The following FBXL4 variants were observed in gnomAD, a reference collection of about 807,000 sequenced individuals.
FBXL4 encodes F-box/LRR-repeat protein 4.
Under a neutral mutation model 58.9 loss-of-function variants are expected in FBXL4, and 40 were observed. That is an observed-to-expected ratio of 0.68 (90% confidence interval 0.53 to 0.88). The LOEUF is 0.88. Ranked by LOEUF, FBXL4 falls within the 40% of genes least tolerant of loss-of-function variation. The pLI is 0.00. For missense variants in FBXL4, 676 were observed against 734.4 expected (o/e 0.92, Z 0.92); for synonymous variants, 263 against 265.5 (o/e 0.99, Z 0.09).
Position 98,871,521 on chromosome 6 carries a change from T to C in FBXL4, c.*2757A>G, listed in dbSNP as rs1451181963. On this transcript the variant is annotated 3_prime_UTR_variant, in exon 10 of 10. Coordinates refer to ENST00000369244, the MANE Select transcript of FBXL4 (RefSeq NM_001278716.2). ...ATTTCATGCAACCTGAAGTAGAATC[T>C]GCTAAGATGTGTTACAACTGGTGGT... is the stretch of plus-strand genomic sequence containing the variant. 1 of 152,234 alleles carries C rather than the reference T, an allele frequency of 6.6e-6. No individual in the cohort carries two copies. Among genetic ancestry groups the C allele is most frequent in the Non-Finnish European group, 1.5e-5 (1 of 68,038 alleles). 9.4% of individuals were successfully genotyped at this position (152,234 alleles called of 1,614,324 possible).
At chr6:98,935,603 C>G (rs1773182809) in intron 1 of FBXL4, among the ~76,000 whole-genome samples, 1 of 151,256 alleles carries the variant, frequency 6.6e-6, no homozygotes, top group African/African-American at 2.4e-5. Context: ...TCCTGGCTAA[C>G]AAGGTGAAAC....
intron 7 of FBXL4, among the ~76,000 whole-genome samples, chr6:98,884,531 T>C (rs1770965868): frequency 6.6e-6 from 1 of 152,158 alleles, no homozygotes; most frequent in Non-Finnish European, 1.5e-5. Flanking sequence ...ATTACTCCAT[T>C]GCTTATGAGT....
intron 7 of FBXL4, among the ~76,000 whole-genome samples, chr6:98,890,884 A>C (rs1771203191): frequency 6.6e-6 from 1 of 152,162 alleles, no homozygotes; most frequent in African/African-American, 2.4e-5. Flanking sequence ...GCTCCACTGC[A>C]CTACAGCCTG....
At chr6:98,921,964 T>A (rs1460653897) in intron 4 of FBXL4, among the ~76,000 whole-genome samples, 1 of 152,152 alleles carries the variant, frequency 6.6e-6, no homozygotes, top group Non-Finnish European at 1.5e-5. Context: ...TAAGCATCCA[T>A]TAAGATATTA....
chr6:98,908,836 T>C (rs958316751), intron 5 of FBXL4, among the ~76,000 whole-genome samples: 1 of 152,174 alleles, frequency 6.6e-6, no homozygotes, highest in Non-Finnish European at 1.5e-5. Context: ...CATTTATCTA[T>C]ATGCTATTTC....
intron 6 of FBXL4, among the ~76,000 whole-genome samples, chr6:98,902,757 A>G (rs1017628508): frequency 6.6e-6 from 1 of 152,134 alleles, no homozygotes; most frequent in Admixed American, 6.5e-5. Flanking sequence ...CCAAAGCACA[A>G]ACAGGCAGGC....
intron 7 of FBXL4, among the ~76,000 whole-genome samples, chr6:98,883,211 A>G (rs2128380542): frequency 6.6e-6 from 1 of 152,136 alleles, no homozygotes; most frequent in East Asian, 1.9e-4. Context: ...TTCATTGGCC[A>G]TTCATATTTC....
At position 98,874,281 on chromosome 6, in the gene FBXL4, C is replaced by T; in HGVS notation, c.1863G>A (p.Gln621=). The stretch of plus-strand genomic sequence containing the variant: ...TTAATACAGAACATATATTAAGTCA[C>T]TGAGTAAAGCTCTTTTTTATGAACA... ...PKVFIKKSFT[Q] Residue 621 remains glutamine (Q), a synonymous_variant, in exon 10 of 10, where the codon CAG becomes CAA. Coordinates refer to ENST00000369244, the MANE Select transcript of FBXL4 (RefSeq NM_001278716.2). 1 of 1,580,916 alleles carries T rather than the reference C, an allele frequency of 6.3e-7. No homozygotes were observed. The highest frequency in any genetic ancestry group is 8.5e-7 in the Non-Finnish European group (1 of 1,169,724).
Position 98,874,452 on chromosome 6 carries a change from GAAACAAAACA to G in FBXL4, c.1703-21_1703-12del, listed in dbSNP as rs377666976. The G allele has an allele frequency of 6.6e-5, 105 of 1,594,882 alleles. No individual in the cohort carries two copies. The highest frequency in any genetic ancestry group is 8.4e-5 in the Non-Finnish European group (99 of 1,174,056). On this transcript the variant is annotated splice_polypyrimidine_tract_variant and intron_variant, in intron 9 of 9. Transcript: ENST00000369244. ...TTACCATTCTTGTTCCTATTTAAGG[GAAACAAAACA>G]AAACAAAACAAAACACCTTAAGTAT...
intron 7 of FBXL4, 25 bp downstream of exon 7, chr6:98,899,243 G>T: frequency 6.2e-7 from 1 of 1,609,372 alleles, no homozygotes; most frequent in Non-Finnish European, 8.5e-7. Flanking sequence ...TAATAGCAAT[G>T]ATGAAAATTA....
At chr6:98,933,355 A>T (rs1396938898) in intron 2 of FBXL4, among the ~76,000 whole-genome samples, 1 of 152,168 alleles carries the variant, frequency 6.6e-6, no homozygotes, top group African/African-American at 2.4e-5. Context: ...ATGATATACA[A>T]GAACATTCTA....
chr6:98,910,408 C>T (rs889624216), intron 5 of FBXL4, among the ~76,000 whole-genome samples: 3 of 152,188 alleles, frequency 2.0e-5, no homozygotes, highest in Non-Finnish European at 2.9e-5. Flanking sequence ...AATCCCAGCA[C>T]TCTGGGAGGC....
At position 98,917,422 on chromosome 6, in the gene FBXL4, G is replaced by A; in HGVS notation, c.810C>T (p.Val270=). The change falls in exon 5 of 10, where the codon GTC becomes GTT. Residue 270 remains valine (V), a synonymous_variant. Coordinates refer to ENST00000369244, the MANE Select transcript of FBXL4 (RefSeq NM_001278716.2). ...DSLNKKFSSA[V]LGEGPNNGYF... is the part of the protein sequence containing the mutation. The stretch of plus-strand genomic sequence containing the variant: ...ACCCATTATTTGGCCCTTCCCCGAG[G>A]ACAGCACTGCTAAACTTTTTGTTAA... 1 of 1,613,532 alleles carries A rather than the reference G, an allele frequency of 6.2e-7. No homozygotes were observed. Among genetic ancestry groups the A allele is most frequent in the Non-Finnish European group, 8.5e-7 (1 of 1,179,736 alleles).
intron 7 of FBXL4, among the ~76,000 whole-genome samples, chr6:98,891,839 T>A (rs542428245): frequency 5.7e-4 from 87 of 152,242 alleles, no homozygotes; most frequent in South Asian, 6.2e-4. Context: ...TAATCAGCCA[T>A]CTCTAATGAA....
intron 4 of FBXL4, 138 bp downstream of exon 4, chr6:98,926,339 T>C (rs1310079722): frequency 1.2e-6 from 1 of 805,214 alleles, no homozygotes; most frequent in African/African-American, 1.7e-5. Flanking sequence ...CTCTTCCCCA[T>C]CAGAAAACTA....
intron 7 of FBXL4, chr6:98,898,425 T>C: frequency 2.0e-6 from 2 of 985,270 alleles, no homozygotes; most frequent in Non-Finnish European, 2.4e-6. Context: ...AGGCTCATGG[T>C]GAAACCCCGT....
At chr6:98,897,251 T>A in intron 7 of FBXL4, 1 of 985,342 alleles carries the variant, frequency 1.0e-6, no homozygotes, top group Non-Finnish European at 1.2e-6. Flanking sequence ...AAAGCAGGTA[T>A]GGCATAATTT....
chr6:98,917,312 A>T (rs1437929561), intron 5 of FBXL4, 62 bp downstream of exon 5: 1 of 1,102,130 alleles, frequency 9.1e-7, no homozygotes. Flanking sequence ...AAACATTAAT[A>T]TCTAAAGATT....
At chr6:98,938,285 T>C (rs560682944) in intron 1 of FBXL4, among the ~76,000 whole-genome samples, 2 of 152,266 alleles carry the variant, frequency 1.3e-5, no homozygotes, top group African/African-American at 2.4e-5. Context: ...GTTCTTTCCA[T>C]AGAGTACCAT....
Sources: gnomAD v4.1 joint callset for allele counts (sites outside exome capture counted in the v4.1 genomes callset) on GRCh38, gnomAD v4.1.1 for gene constraint, MANE v1.5 for transcripts, NCBI Gene and HGNC (gene_info 2026-07-23, HGNC 2026-07-21) for gene names.